LGSN: variants seen among roughly 807,000 people sequenced by gnomAD.
LGSN encodes the protein lengsin, lens protein with glutamine synthetase domain.
A neutral mutation model predicts 19.5 loss-of-function variants in LGSN; 21 were observed. The ratio of observed to expected loss-of-function variants is 1.07; its 90% confidence interval spans 0.76 to 1.55. LGSN has a LOEUF of 1.55. LGSN is among the 40% of genes most tolerant of loss of function. The pLI, the probability that LGSN is intolerant of heterozygous loss-of-function variation, is 0.00. For missense variants in LGSN, 673 were observed against 608.5 expected (o/e 1.11, Z -1.12); for synonymous variants, 257 against 215.6 (o/e 1.19, Z -1.68).
At chr6:63,456,624 A>T in the LGSN span, among the ~76,000 whole-genome samples, 2 of 151,890 alleles carry the variant, frequency 1.3e-5, no homozygotes, top group East Asian at 3.9e-4. Context: ...AATATACCAC[A>T]CTGCCCCTCA....
the LGSN span, among the ~76,000 whole-genome samples, chr6:63,384,974 A>G: frequency 1.3e-5 from 2 of 152,220 alleles, no homozygotes; most frequent in Non-Finnish European, 2.9e-5. Flanking sequence ...GACACAGAGA[A>G]TGTGGCCAGC....
At chr6:63,308,085 G>T (rs191534974) in intron 1 of LGSN, among the ~76,000 whole-genome samples, 3 of 152,314 alleles carry the variant, frequency 2.0e-5, no homozygotes, top group East Asian at 1.9e-4. Flanking sequence ...AATCATGAGC[G>T]TAAGTACAGA....
At chr6:63,441,544 A>G in the LGSN span, 1 of 418,484 alleles carries the variant, frequency 2.4e-6, no homozygotes. Flanking sequence ...CAAGTGGGAG[A>G]GGCAGCAGGG....
At chr6:63,335,542 G>T in the LGSN span, among the ~76,000 whole-genome samples, 1 of 152,108 alleles carries the variant, frequency 6.6e-6, no homozygotes, top group African/African-American at 2.4e-5. Context: ...TGGCCAACAG[G>T]TGTATGAAAA....
the LGSN span, among the ~76,000 whole-genome samples, chr6:63,384,489 TTGTGTGTGTG>T: frequency 0.011 from 1,443 of 131,572 alleles, 14 homozygotes; most frequent in African/African-American, 0.021. Flanking sequence ...AAATAACACC[TTGTGTGTGTG>T]TGTGTGTGTG....
the LGSN span, among the ~76,000 whole-genome samples, chr6:63,519,899 C>G: frequency 6.6e-6 from 1 of 152,208 alleles, no homozygotes; most frequent in Non-Finnish European, 1.5e-5. Context: ...TACCACCATA[C>G]TTTATTTTGA....
the LGSN span, among the ~76,000 whole-genome samples, chr6:63,453,453 C>T: frequency 8.5e-5 from 13 of 152,204 alleles, no homozygotes; most frequent in South Asian, 2.7e-3. Flanking sequence ...TTTAGGAGCT[C>T]TGTTTTTAGT....
the LGSN span, among the ~76,000 whole-genome samples, chr6:63,330,950 A>G: frequency 6.6e-6 from 1 of 152,204 alleles, no homozygotes; most frequent in Non-Finnish European, 1.5e-5. Flanking sequence ...ACCTATCAGG[A>G]TCATCTGAAA....
intron 2 of LGSN, among the ~76,000 whole-genome samples, 188 bp from the exon 3 acceptor site, chr6:63,285,941 T>C (rs987105546): frequency 2.0e-5 from 3 of 152,300 alleles, no homozygotes; most frequent in Admixed American, 6.5e-5. Context: ...GAACACTGTG[T>C]CTAAACAACC....
At chr6:63,284,765 T>C (rs1459997627) in intron 3 of LGSN, among the ~76,000 whole-genome samples, 1 of 152,164 alleles carries the variant, frequency 6.6e-6, no homozygotes, top group Non-Finnish European at 1.5e-5. Context: ...AAATAATTCC[T>C]TAAGAAACAA....
At chr6:63,510,940 G>A in the LGSN span, among the ~76,000 whole-genome samples, 1 of 152,104 alleles carries the variant, frequency 6.6e-6, no homozygotes, top group African/African-American at 2.4e-5. Context: ...CTCTCAAAGT[G>A]CTGGAATTAC....
chr6:63,347,723 G>A, the LGSN span, among the ~76,000 whole-genome samples: 5 of 152,274 alleles, frequency 3.3e-5, no homozygotes, highest in African/African-American at 9.6e-5. Flanking sequence ...AAATTACCAC[G>A]TAAATATCTG....
At chr6:63,549,305 G>A in the LGSN span, 6 of 753,530 alleles carry the variant, frequency 8.0e-6, no homozygotes, top group African/African-American at 1.0e-4. Context: ...TACAGAGGAT[G>A]GCTCTCTGCC....
At chr6:63,333,882 C>A in the LGSN span, among the ~76,000 whole-genome samples, 1 of 152,116 alleles carries the variant, frequency 6.6e-6, no homozygotes, top group East Asian at 1.9e-4. Flanking sequence ...ACCATATGAT[C>A]ATTTAAATAG....
chr6:63,336,950 G>A, the LGSN span, among the ~76,000 whole-genome samples: 1 of 120,370 alleles, frequency 8.3e-6, no homozygotes, highest in African/African-American at 3.2e-5. Context: ...TTGAGATGGA[G>A]TCTCACCCTG....
At chr6:63,320,577 A>G (rs12111218), upstream of LGSN, among the ~76,000 whole-genome samples, 5,483 of 152,248 alleles carry the variant, frequency 0.036, 336 homozygotes, top group African/African-American at 0.13. Flanking sequence ...CAATGAACAC[A>G]GAATCATCTA....
chr6:63,561,336 C>A, the LGSN span, among the ~76,000 whole-genome samples: 19 of 152,152 alleles, frequency 1.2e-4, no homozygotes, highest in Non-Finnish European at 1.5e-5. Flanking sequence ...TAATACCCAA[C>A]ACATAGTAAG....
rs559117382 is a variant in LGSN at position 63,297,462 on chromosome 6, A to T, written c.31-2417T>A. 7.3e-4 allele frequency among the ~76,000 whole-genome samples: 111 copies of T among 152,128 alleles called. 3 individuals are homozygous for T. The highest frequency in any genetic ancestry group is 4.3e-3 in the Admixed American group (66 of 15,264). ...GGGTTTCAAATGAAGAATACATTTC[A>T]TTCAGTCCTTTTCAGTCCTTTGGTT... is the stretch of plus-strand genomic sequence containing the variant. On this transcript the variant is annotated intron_variant, in intron 1 of 3. Coordinates refer to ENST00000370657, the MANE Select transcript of LGSN (RefSeq NM_016571.3).
chr6:63,412,485 A>G, the LGSN span, among the ~76,000 whole-genome samples: 31 of 64,584 alleles, frequency 4.8e-4, 1 homozygote, highest in African/African-American at 2.4e-3. Flanking sequence ...AAGAAAGAGA[A>G]GAAAGAAAGA....
Sources: gnomAD v4.1 joint callset for allele counts (sites outside exome capture counted in the v4.1 genomes callset) on GRCh38, gnomAD v4.1.1 for gene constraint, MANE v1.5 for transcripts, NCBI Gene and HGNC (gene_info 2026-07-23, HGNC 2026-07-21) for gene names.